Variants in ANK2 observed in about 807,000 individuals in gnomAD.
ANK2 encodes ankyrin-2.
A neutral mutation model predicts 360.5 loss-of-function variants in ANK2; 83 were observed. The observed-to-expected ratio is 0.23, with a 90% CI of 0.19 to 0.28. The LOEUF (loss-of-function observed/expected upper bound fraction) is 0.28. ANK2 is among the 10% of genes least tolerant of loss of function. The probability of loss-of-function intolerance (pLI) is 1.00; values close to 1 mark genes in which losing one functional copy is unlikely to be tolerated. For missense variants in ANK2, 4,201 were observed against 4,795.7 expected (o/e 0.88, Z 3.66); for synonymous variants, 1,740 against 1,759.5 (o/e 0.99, Z 0.28).
At chr4:113,322,935 T>G (rs1020078489) in intron 26 of ANK2, among the ~76,000 whole-genome samples, 7 of 152,234 alleles carry the variant, frequency 4.6e-5, no homozygotes, top group Middle Eastern at 6.8e-3. Context: ...AGGTAAATTC[T>G]TTTAGATGAG....
chr4:112,905,864 G>A (rs2085017775), intron 2 of ANK2, among the ~76,000 whole-genome samples: 1 of 152,088 alleles, frequency 6.6e-6, no homozygotes, highest in African/African-American at 2.4e-5. Flanking sequence ...TTCTGACTAT[G>A]TTGCCCAGGC....
chr4:112,746,495 G>GCTCCTT, the ANK2 span, among the ~76,000 whole-genome samples: 1 of 132,620 alleles, frequency 7.5e-6, no homozygotes, highest in African/African-American at 2.9e-5. Flanking sequence ...GCAACCGAGT[G>GCTCCTT]AGATGCTGTC....
chr4:113,328,127 G>A (rs1198798892), intron 26 of ANK2, among the ~76,000 whole-genome samples: 4 of 152,156 alleles, frequency 2.6e-5, no homozygotes, highest in Non-Finnish European at 5.9e-5. Flanking sequence ...CAACATGAGC[G>A]TGGAAACTTA....
the ANK2 span, among the ~76,000 whole-genome samples, chr4:112,717,123 T>G: frequency 6.6e-6 from 1 of 152,364 alleles, no homozygotes; most frequent in East Asian, 1.9e-4. Context: ...AGTTTTCCTT[T>G]ATAATGAATG....
chr4:112,885,689 C>A (rs560546968), intron 1 of ANK2, among the ~76,000 whole-genome samples: 1 of 142,582 alleles, frequency 7.0e-6, no homozygotes, highest in Non-Finnish European at 1.5e-5. Context: ...CCCAGCTACT[C>A]GGAAGGCTGT....
chr4:113,239,982 A>G (rs1252865009), intron 7 of ANK2, among the ~76,000 whole-genome samples: 3 of 152,216 alleles, frequency 2.0e-5, no homozygotes, highest in East Asian at 3.8e-4. Flanking sequence ...AACAAATTCT[A>G]TATCTTTGTA....
intron 4 of ANK2, among the ~76,000 whole-genome samples, chr4:113,204,225 A>G (rs1208612725): frequency 1.3e-5 from 2 of 152,132 alleles, no homozygotes; most frequent in Non-Finnish European, 2.9e-5. Flanking sequence ...GTTTTTTATT[A>G]TTACAAAGCA....
At chr4:113,150,024 G>A (rs568613306) in intron 1 of ANK2, among the ~76,000 whole-genome samples, 3 of 152,108 alleles carry the variant, frequency 2.0e-5, no homozygotes, top group East Asian at 3.9e-4. Flanking sequence ...TTCACTGGCT[G>A]CACGAGTGTT....
the ANK2 span, among the ~76,000 whole-genome samples, chr4:112,745,868 A>G: frequency 6.6e-6 from 1 of 151,972 alleles, no homozygotes; most frequent in Non-Finnish European, 1.5e-5. Context: ...ATCTAAATAT[A>G]TGTTTGTATC....
the ANK2 span, among the ~76,000 whole-genome samples, chr4:112,768,211 C>A: frequency 6.6e-6 from 1 of 152,168 alleles, no homozygotes. Context: ...CAACTGAACT[C>A]AGAAGCATTT....
chr4:112,896,708 A>G (rs1430895520), intron 1 of ANK2, among the ~76,000 whole-genome samples: 2 of 152,206 alleles, frequency 1.3e-5, no homozygotes, highest in African/African-American at 2.4e-5. Context: ...TTGGATAAAC[A>G]CTGTAAATGC....
At chr4:113,055,430 A>C (rs2154329540) in intron 1 of ANK2, among the ~76,000 whole-genome samples, 1 of 152,236 alleles carries the variant, frequency 6.6e-6, no homozygotes, top group East Asian at 1.9e-4. Context: ...ATAAATAAAT[A>C]AATGAATGGA....
chr4:112,890,607 G>T (rs2079739151), intron 1 of ANK2, among the ~76,000 whole-genome samples: 1 of 82,832 alleles, frequency 1.2e-5, no homozygotes, highest in South Asian at 4.3e-4. Flanking sequence ...CGCTCTTATT[G>T]CCCAGGCTGG....
intron 2 of ANK2, among the ~76,000 whole-genome samples, chr4:112,969,920 A>C (rs938927784): frequency 3.3e-5 from 5 of 152,182 alleles, no homozygotes; most frequent in African/African-American, 1.2e-4. Context: ...ACAGTTTTTG[A>C]TGCAGGCCCC....
chr4:113,367,954 A>G, intron 42 of ANK2, 103 bp downstream of exon 42: 2 of 1,393,686 alleles, frequency 1.4e-6, no homozygotes, highest in Non-Finnish European at 2.0e-6. Flanking sequence ...ACTTTTTAAA[A>G]TGACCCTACC....
chr4:113,086,369 C>T (rs1561954646), intron 1 of ANK2, among the ~76,000 whole-genome samples: 1 of 152,152 alleles, frequency 6.6e-6, no homozygotes, highest in Non-Finnish European at 1.5e-5. Flanking sequence ...AACAACATCC[C>T]ATTTATGTTC....
chr4:113,187,388 C>T (rs2098550512), intron 2 of ANK2, among the ~76,000 whole-genome samples: 1 of 152,146 alleles, frequency 6.6e-6, no homozygotes, highest in Non-Finnish European at 1.5e-5. Flanking sequence ...TGTTCAAGTT[C>T]CCTTGGAATT....
At chr4:112,788,365 T>C in the ANK2 span, 41 of 1,554,378 alleles carry the variant, frequency 2.6e-5, no homozygotes, top group South Asian at 1.7e-4. Flanking sequence ...TTTTACGACA[T>C]AGGGCAGGCA....
At chr4:112,821,130 GT>G (rs2056894772) in intron 1 of ANK2, among the ~76,000 whole-genome samples, 1 of 152,086 alleles carries the variant, frequency 6.6e-6, no homozygotes, top group South Asian at 2.1e-4. Flanking sequence ...GGTCAGGCTG[GT>G]CTTGAACTCC....
Sources: gnomAD v4.1 joint callset for allele counts (sites outside exome capture counted in the v4.1 genomes callset) on GRCh38, gnomAD v4.1.1 for gene constraint, MANE v1.5 for transcripts, NCBI Gene and HGNC (gene_info 2026-07-23, HGNC 2026-07-21) for gene names.